The following NSMCE2 variants were observed in gnomAD, a reference collection of about 807,000 sequenced individuals.
The protein encoded by NSMCE2 is E3 SUMO-protein ligase NSE2.
In NSMCE2, 24 loss-of-function variants were observed where a neutral mutation model predicts 23.8. The ratio of observed to expected loss-of-function variants is 1.01; its 90% CI spans 0.73 to 1.42. The LOEUF is 1.42. Ranked by LOEUF, NSMCE2 falls within the 40% of genes most tolerant of loss-of-function variation. The probability of loss-of-function intolerance (pLI) is 0.00; values close to 1 mark genes in which losing one functional copy is unlikely to be tolerated. For missense variants in NSMCE2, 284 were observed against 296.5 expected (o/e 0.96, Z 0.31); for synonymous variants, 92 against 94.1 (o/e 0.98, Z 0.13).
At chr8:125,364,086 G>C (rs1269068324) in intron 7 of NSMCE2, among the ~76,000 whole-genome samples, 3 of 152,076 alleles carry the variant, frequency 2.0e-5, no homozygotes, top group African/African-American at 7.2e-5. Context: ...TGGGATTACA[G>C]GCATGCGCCA....
chr8:125,168,143 T>C (rs1821992500), intron 4 of NSMCE2, among the ~76,000 whole-genome samples: 2 of 152,346 alleles, frequency 1.3e-5, no homozygotes, highest in East Asian at 1.9e-4. Flanking sequence ...GGACTACTTA[T>C]GAGTTTAAGC....
At chr8:125,304,021 C>A (rs1301249109) in intron 5 of NSMCE2, among the ~76,000 whole-genome samples, 2 of 152,172 alleles carry the variant, frequency 1.3e-5, no homozygotes, top group Non-Finnish European at 2.9e-5. Context: ...ATGAGATTTT[C>A]ATCTTATGCT....
chr8:125,293,963 C>T (rs565691946), intron 5 of NSMCE2, among the ~76,000 whole-genome samples: 1 of 152,262 alleles, frequency 6.6e-6, no homozygotes, highest in South Asian at 2.1e-4. Flanking sequence ...TTAGCATTTA[C>T]TTCCTATTTT....
chr8:125,306,986 A>G (rs987720813), intron 5 of NSMCE2, among the ~76,000 whole-genome samples: 4 of 152,258 alleles, frequency 2.6e-5, no homozygotes, highest in African/African-American at 7.2e-5. Flanking sequence ...TAAAGGTTCA[A>G]TGTTAGTGCT....
At chr8:125,311,820 TG>T (rs1828981882) in intron 5 of NSMCE2, among the ~76,000 whole-genome samples, 1 of 152,214 alleles carries the variant, frequency 6.6e-6, no homozygotes, top group Non-Finnish European at 1.5e-5. Context: ...GGCTCACGCC[TG>T]TAATCCCAGC....
chr8:125,316,755 CCT>C (rs1563780337), intron 5 of NSMCE2, among the ~76,000 whole-genome samples: 5 of 143,172 alleles, frequency 3.5e-5, no homozygotes, highest in African/African-American at 1.1e-4. Context: ...TTCCTTCCTT[CCT>C]TCCTTCCTTC....
At chr8:125,098,039 C>T (rs1251320305) in intron 1 of NSMCE2, among the ~76,000 whole-genome samples, 4 of 152,046 alleles carry the variant, frequency 2.6e-5, no homozygotes, top group African/African-American at 7.3e-5. Flanking sequence ...CTAGCAATGG[C>T]CAGATAATGT....
chr8:125,349,191 G>A (rs774317629), intron 5 of NSMCE2, among the ~76,000 whole-genome samples: 1 of 152,264 alleles, frequency 6.6e-6, no homozygotes, highest in South Asian at 2.1e-4. Context: ...CTGAGTAGGA[G>A]AAACAAATCA....
At chr8:125,092,304 G>C (rs1817701259) in intron 1 of NSMCE2, among the ~76,000 whole-genome samples, 1 of 152,202 alleles carries the variant, frequency 6.6e-6, no homozygotes, top group Non-Finnish European at 1.5e-5. Context: ...TTAGCGATAA[G>C]GAGAATAAAG....
intron 5 of NSMCE2, among the ~76,000 whole-genome samples, chr8:125,272,930 T>C (rs1252984987): frequency 1.3e-5 from 2 of 151,814 alleles, no homozygotes; most frequent in African/African-American, 4.8e-5. Flanking sequence ...GAGAACTGAC[T>C]TGGGAGCTAG....
chr8:125,211,939 A>G (rs1211455910), intron 5 of NSMCE2, among the ~76,000 whole-genome samples: 1 of 152,012 alleles, frequency 6.6e-6, no homozygotes, highest in African/African-American at 2.4e-5. Flanking sequence ...CTAGTTTCTG[A>G]TATTCTGTTC....
chr8:125,348,499 G>T (rs1197783398), intron 5 of NSMCE2: 1 of 152,090 alleles, frequency 6.6e-6, no homozygotes, highest in African/African-American at 2.4e-5. Context: ...AACTTATATG[G>T]TTTGGCTGTG....
intron 5 of NSMCE2, among the ~76,000 whole-genome samples, chr8:125,314,272 TTTTTG>T (rs1274756256): frequency 6.6e-6 from 1 of 151,148 alleles, no homozygotes; most frequent in African/African-American, 2.5e-5. Context: ...TTGTGTTTTG[TTTTTG>T]TTTTGTTTTG....
chr8:125,271,991 A>T (rs1827214983), intron 5 of NSMCE2, among the ~76,000 whole-genome samples: 1 of 151,262 alleles, frequency 6.6e-6, no homozygotes, highest in African/African-American at 2.4e-5. Flanking sequence ...TTGACAACTG[A>T]ATATTGAATC....
chr8:125,097,769 T>C (rs768093521), intron 1 of NSMCE2, among the ~76,000 whole-genome samples: 23 of 152,184 alleles, frequency 1.5e-4, no homozygotes, highest in Admixed American at 3.9e-4. Context: ...ATGTTTATTC[T>C]GGAATATCAA....
rs60153673 is a variant in NSMCE2 at position 125,113,057 on chromosome 8, T to TGG, written c.157+10580_157+10581dup. Reference sequence around the variant, plus strand: ...AAAGTGAATATATATTAACAGAAAATGGGGGGGGGGGTGAGTCAATACCTA... The same window carrying TGG: ...AAAGTGAATATATATTAACAGAAAATGGGGGGGGGGGGGTGAGTCAATACCTA... On this transcript the variant is annotated intron_variant, in intron 3 of 7. Transcript: ENST00000287437. Among the ~76,000 whole-genome samples, 525 of 105,578 alleles carry TGG rather than the reference T, an allele frequency of 5.0e-3. 1 individual carries two copies. The highest frequency in any genetic ancestry group is 9.7e-3 in the African/African-American group (318 of 32,742). 69.3% of individuals were successfully genotyped at this position (105,578 alleles called of 152,430 possible).
chr8:125,257,230 G>A (rs1015131314), intron 5 of NSMCE2, among the ~76,000 whole-genome samples: 2 of 151,622 alleles, frequency 1.3e-5, no homozygotes, highest in African/African-American at 4.8e-5. Context: ...GTTGCAGTGA[G>A]CTGAGATTGT....
chr8:125,331,027 C>CGT (rs1829854771), intron 5 of NSMCE2, among the ~76,000 whole-genome samples: 1 of 151,998 alleles, frequency 6.6e-6, no homozygotes, highest in South Asian at 2.1e-4. Context: ...GGTGACTGGG[C>CGT]GCGGTGGCTC....
intron 5 of NSMCE2, among the ~76,000 whole-genome samples, chr8:125,335,180 C>T (rs886321949): frequency 4.6e-5 from 7 of 152,094 alleles, no homozygotes; most frequent in South Asian, 2.1e-4. Context: ...AGAATTACTG[C>T]CAAGGGAGGG....
Sources: allele counts gnomAD v4.1 joint callset (sites outside exome capture counted in the v4.1 genomes callset), GRCh38; gene constraint gnomAD v4.1.1; transcripts MANE v1.5; gene names NCBI Gene and HGNC (gene_info 2026-07-23, HGNC 2026-07-21).